RAB5A: variants seen among roughly 807,000 people sequenced by gnomAD.
The protein encoded by RAB5A is RAB5A, member RAS oncogene family.
RAB5A carries 8 observed loss-of-function variants against 25.7 expected under a neutral mutation model. That is an observed-to-expected ratio of 0.31 (90% CI 0.18 to 0.56). The LOEUF is 0.56. Ranked by LOEUF, RAB5A falls within the 20% of genes least tolerant of loss-of-function variation. The pLI is 0.91. For missense variants in RAB5A, 192 were observed against 259.7 expected (o/e 0.74, Z 1.79); for synonymous variants, 98 against 89.8 (o/e 1.09, Z -0.52).
At chr3:19,974,190 CTG>C (rs1208344727) in intron 2 of RAB5A, among the ~76,000 whole-genome samples, 1 of 149,436 alleles carries the variant, frequency 6.7e-6, no homozygotes, top group Non-Finnish European at 1.5e-5. Context: ...GACAGAGTCT[CTG>C]TTGCCAGGAT....
intron 5 of RAB5A, chr3:19,978,615 T>A (rs1483779218): frequency 4.2e-6 from 2 of 471,574 alleles, no homozygotes; most frequent in Admixed American, 3.8e-5. Context: ...ATTTGAAAGA[T>A]GATTACCTAT....
At chr3:19,949,632 G>C (rs141453117) in intron 1 of RAB5A, among the ~76,000 whole-genome samples, 3 of 152,154 alleles carry the variant, frequency 2.0e-5, no homozygotes, top group African/African-American at 7.2e-5. Flanking sequence ...TGTTAAGATT[G>C]GTTTGTGAGT....
intron 2 of RAB5A, among the ~76,000 whole-genome samples, chr3:19,962,632 T>G (rs1696603422): frequency 6.6e-6 from 1 of 152,198 alleles, no homozygotes. Context: ...GCATTTTTCT[T>G]GGCTGTAACA....
At chr3:19,968,262 G>T (rs1696688336) in intron 2 of RAB5A, among the ~76,000 whole-genome samples, 1 of 150,462 alleles carries the variant, frequency 6.6e-6, no homozygotes. Flanking sequence ...CATTGGGATT[G>T]TTTTTTTAAA....
chr3:19,966,406 A>T (rs569957024), intron 2 of RAB5A, among the ~76,000 whole-genome samples: 1 of 152,232 alleles, frequency 6.6e-6, no homozygotes, highest in Non-Finnish European at 1.5e-5. Flanking sequence ...ATAATATTCC[A>T]TTGTATGTAT....
chr3:19,951,981 G>C lies in RAB5A; in HGVS notation c.163+920G>C, dbSNP rs192798704. 3.1e-4 allele frequency among the ~76,000 whole-genome samples: 47 copies of C among 152,204 alleles called. No individual in the cohort carries two copies. The East Asian group carries it at 6.8e-3, about 22-fold the overall frequency. Reference sequence around the variant, plus strand: ...GGTGGTTATGGTGGGACAGAGATGAGGGGAAGGTAAGATGCAGGGTGAAAA... The same window carrying C: ...GGTGGTTATGGTGGGACAGAGATGACGGGAAGGTAAGATGCAGGGTGAAAA... On this transcript the variant is annotated intron_variant, in intron 2 of 5. Transcript: ENST00000273047.
intron 2 of RAB5A, among the ~76,000 whole-genome samples, chr3:19,953,448 C>T (rs1456364664): frequency 6.8e-6 from 1 of 148,124 alleles, no homozygotes; most frequent in Non-Finnish European, 1.5e-5. Flanking sequence ...GTCTCTGTCG[C>T]CCAGGCTGGA....
In RAB5A at chr3:19,962,783, A is replaced by G. The variant is rs73173994; in HGVS notation, c.163+11722A>G. Among the ~76,000 whole-genome samples, 1,034 of 151,974 alleles carry G rather than the reference A, an allele frequency of 6.8e-3. 8 individuals are homozygous for G. The highest frequency in any genetic ancestry group is 0.023 in the African/African-American group (971 of 41,388). The stretch of plus-strand genomic sequence containing the variant: ...TATTCTGAGTATATCTGCAGTATAT[A>G]TTTTTAGAGCCCAGTGTGTTTGGTT... On this transcript the variant is annotated intron_variant, in intron 2 of 5. Transcript: ENST00000273047.
At chr3:19,953,310 C>T (rs1036038253) in intron 2 of RAB5A, among the ~76,000 whole-genome samples, 2 of 151,436 alleles carry the variant, frequency 1.3e-5, no homozygotes, top group Admixed American at 1.3e-4. Flanking sequence ...GTTAGATTGT[C>T]TAGATTTCAT....
At chr3:19,964,932 ACTTT>A (rs142063274) in intron 2 of RAB5A, among the ~76,000 whole-genome samples, 23,134 of 151,784 alleles carry the variant, frequency 0.15, 1,959 homozygotes, top group Non-Finnish European at 0.2. Context: ...TTACTTACTT[ACTTT>A]ATTTATTTAT....
chr3:19,953,702 CT>C (rs773146448), intron 2 of RAB5A, among the ~76,000 whole-genome samples: 12 of 152,264 alleles, frequency 7.9e-5, no homozygotes, highest in Non-Finnish European at 1.2e-4. Context: ...GCCACTGCCC[CT>C]GGCCCAACTT....
intron 2 of RAB5A, among the ~76,000 whole-genome samples, chr3:19,970,014 CTGGCCT>C (rs1696722315): frequency 7.6e-6 from 1 of 132,366 alleles, no homozygotes; most frequent in Non-Finnish European, 1.7e-5. Context: ...GTTGGTCAGG[CTGGCCT>C]TGAATTCCAG....
intron 2 of RAB5A, among the ~76,000 whole-genome samples, chr3:19,963,364 ACCC>A (rs201742105): frequency 0.22 from 13,493 of 61,306 alleles, 1,322 homozygotes; most frequent in Non-Finnish European, 0.26. Flanking sequence ...TTAGAATTTC[ACCC>A]CCCCCCCCCC....
At chr3:19,962,768 A>G (rs17796115) in intron 2 of RAB5A, among the ~76,000 whole-genome samples, 25,841 of 152,066 alleles carry the variant, frequency 0.17, 2,127 homozygotes, top group South Asian at 0.21. Context: ...TATTCTGAGT[A>G]TATCTGCAGT....
At chr3:19,981,629 A>G (rs1296215534) in intron 5 of RAB5A, among the ~76,000 whole-genome samples, 4 of 151,548 alleles carry the variant, frequency 2.6e-5, no homozygotes, top group South Asian at 4.2e-4. Flanking sequence ...AAAAAAAATC[A>G]TAAATCAAAA....
intron 2 of RAB5A, among the ~76,000 whole-genome samples, chr3:19,962,895 C>CT (rs1187740608): frequency 6.6e-6 from 1 of 152,100 alleles, no homozygotes; most frequent in African/African-American, 2.4e-5. Context: ...TCACTGCAGC[C>CT]TTGAACTCCT....
chr3:19,953,691 A>G (rs1159705891), intron 2 of RAB5A, among the ~76,000 whole-genome samples: 1 of 152,090 alleles, frequency 6.6e-6, no homozygotes, highest in African/African-American at 2.4e-5. Flanking sequence ...TACAGGCATG[A>G]GCCACTGCCC....
intron 2 of RAB5A, among the ~76,000 whole-genome samples, chr3:19,962,797 G>C (rs59086970): frequency 6.6e-5 from 10 of 151,288 alleles, no homozygotes; most frequent in Admixed American, 3.9e-4. Context: ...TTAGAGCCCA[G>C]TGTGTTTGGT....
intron 2 of RAB5A, among the ~76,000 whole-genome samples, chr3:19,970,938 T>C (rs1696740245): frequency 6.6e-6 from 1 of 152,222 alleles, no homozygotes; most frequent in Admixed American, 6.5e-5. Flanking sequence ...GGCTCATGCC[T>C]GTAATCCCAG....
Sources: allele counts gnomAD v4.1 joint callset (sites outside exome capture counted in the v4.1 genomes callset), GRCh38; gene constraint gnomAD v4.1.1; transcripts MANE v1.5; gene names NCBI Gene and HGNC (gene_info 2026-07-23, HGNC 2026-07-21).